FAM184A: variants seen among roughly 807,000 people sequenced by gnomAD.
The protein encoded by FAM184A is protein FAM184A.
In FAM184A, 99 loss-of-function variants were observed where a neutral mutation model predicts 143.8. That is an observed-to-expected ratio of 0.69 (90% CI 0.58 to 0.81). FAM184A has a LOEUF of 0.81. Among genes scored for constraint, FAM184A ranks in the 40% least tolerant of loss-of-function variants. The pLI is 0.00. For missense variants in FAM184A, 1,217 were observed against 1,310.5 expected (o/e 0.93, Z 1.10); for synonymous variants, 427 against 446.4 (o/e 0.96, Z 0.55).
chr6:119,099,812 T>C (rs760521302), intron 1 of FAM184A, among the ~76,000 whole-genome samples: 3 of 152,170 alleles, frequency 2.0e-5, no homozygotes, highest in Non-Finnish European at 2.9e-5. Flanking sequence ...TACCTCACCC[T>C]ATGCATCTCT....
intron 1 of FAM184A, among the ~76,000 whole-genome samples, chr6:119,036,929 T>C (rs1236757497): frequency 6.6e-6 from 1 of 152,128 alleles, no homozygotes; most frequent in Admixed American, 6.5e-5. Context: ...TAGAAAGGCA[T>C]AAAAGGGCAA....
At chr6:119,025,407 T>A in intron 1 of FAM184A, 3 of 516,364 alleles carry the variant, frequency 5.8e-6, no homozygotes, top group Non-Finnish European at 7.7e-6. Context: ...TTTCTAGTGA[T>A]CTCTTTATAA....
chr6:119,109,673 A>G (rs988959956), intron 1 of FAM184A, among the ~76,000 whole-genome samples: 1 of 152,212 alleles, frequency 6.6e-6, no homozygotes. Flanking sequence ...TGAAGCTGTT[A>G]ATGAACAGAG....
intron 1 of FAM184A, among the ~76,000 whole-genome samples, chr6:119,037,547 TGAATG>T: frequency 6.6e-6 from 1 of 152,298 alleles, no homozygotes; most frequent in East Asian, 1.9e-4. Context: ...TCAATATTCT[TGAATG>T]AGATGGCAAC....
At chr6:119,106,786 T>C (rs555371361) in intron 1 of FAM184A, among the ~76,000 whole-genome samples, 1 of 152,330 alleles carries the variant, frequency 6.6e-6, no homozygotes, top group South Asian at 2.1e-4. Context: ...TAATAAGGCA[T>C]GAAAACTGTT....
At chr6:119,067,659 T>C (rs1408950295) in intron 1 of FAM184A, among the ~76,000 whole-genome samples, 1 of 152,214 alleles carries the variant, frequency 6.6e-6, no homozygotes, top group Non-Finnish European at 1.5e-5. Flanking sequence ...GTGAAAATGT[T>C]GTGACCAGAG....
intron 1 of FAM184A, among the ~76,000 whole-genome samples, chr6:119,040,834 A>G (rs1027017652): frequency 6.6e-6 from 1 of 152,170 alleles, no homozygotes; most frequent in Non-Finnish European, 1.5e-5. Context: ...TTTTTAAGTT[A>G]GCACCACTTT....
chr6:118,969,192 G>C (rs1259037140), intron 14 of FAM184A, among the ~76,000 whole-genome samples: 1 of 152,112 alleles, frequency 6.6e-6, no homozygotes, highest in Non-Finnish European at 1.5e-5. Context: ...CGCCATGATT[G>C]TAAGTTTCCT....
At chr6:119,050,105 T>A (rs1159158488) in intron 1 of FAM184A, among the ~76,000 whole-genome samples, 1 of 152,022 alleles carries the variant, frequency 6.6e-6, no homozygotes. Flanking sequence ...ATGAGAGAAA[T>A]GCAAGTCAAA....
chr6:119,081,196 G>C (rs1788052211), upstream of FAM184A, among the ~76,000 whole-genome samples: 1 of 152,194 alleles, frequency 6.6e-6, no homozygotes, highest in Non-Finnish European at 1.5e-5. Context: ...GTGAGAAAGA[G>C]AGAAAGAGAG....
intron 5 of FAM184A, among the ~76,000 whole-genome samples, chr6:119,012,956 T>C (rs1197438819): frequency 6.6e-6 from 1 of 152,086 alleles, no homozygotes; most frequent in African/African-American, 2.4e-5. Flanking sequence ...AATAAGACAA[T>C]AGAAGTCGTC....
At chr6:119,039,063 TAAC>T (rs1402155914) in intron 1 of FAM184A, among the ~76,000 whole-genome samples, 3 of 152,326 alleles carry the variant, frequency 2.0e-5, no homozygotes, top group South Asian at 4.1e-4. Context: ...AAAATATGCT[TAAC>T]ATCAATAATG....
At chr6:119,112,640 C>T (rs965490523) in intron 1 of FAM184A, among the ~76,000 whole-genome samples, 5 of 152,162 alleles carry the variant, frequency 3.3e-5, no homozygotes, top group Non-Finnish European at 7.3e-5. Flanking sequence ...TGGCTATTAC[C>T]TGTTATACCC....
chr6:119,022,687 C>T (rs1785489154), intron 3 of FAM184A, among the ~76,000 whole-genome samples: 1 of 152,012 alleles, frequency 6.6e-6, no homozygotes, highest in Admixed American at 6.6e-5. Context: ...CCAGCCTGGG[C>T]AACACGGTGA....
Position 119,013,107 on chromosome 6 carries a change from T to TA in FAM184A, c.1531-1677dup, listed in dbSNP as rs11324138. On this transcript the variant is annotated intron_variant, in intron 5 of 17. Transcript: ENST00000338891. ...GCAAGTGATACACAAGTTACTCTGA[T>TA]AAAAAAAAAAAGAAGGGTAGAAATA... 7.2e-4 allele frequency among the ~76,000 whole-genome samples: 109 copies of TA among 150,586 alleles called. 1 individual carries two copies. The highest frequency in any genetic ancestry group is 1.3e-3 in the Non-Finnish European group (85 of 67,644).
intron 7 of FAM184A, 99 bp downstream of exon 7, chr6:119,006,348 A>C: frequency 9.0e-7 from 1 of 1,116,340 alleles, no homozygotes; most frequent in Non-Finnish European, 1.3e-6. Flanking sequence ...CTAATATACT[A>C]ATTATATACA....
chr6:119,046,440 G>T (rs1786538026), intron 1 of FAM184A, among the ~76,000 whole-genome samples: 1 of 151,926 alleles, frequency 6.6e-6, no homozygotes, highest in Non-Finnish European at 1.5e-5. Context: ...GGCCAGGCTG[G>T]TCTCAAACTC....
rs186685378 is a variant in FAM184A, at chr6:118,989,119, G to A, written c.2089-8769C>T. Among the ~76,000 whole-genome samples, 1,150 of 151,994 alleles carry A rather than the reference G, an allele frequency of 7.6e-3. 9 individuals are homozygous for A. Among genetic ancestry groups the A allele is most frequent in the Admixed American group, 0.026 (400 of 15,284 alleles). On this transcript the variant is annotated intron_variant, in intron 9 of 17. Transcript: ENST00000338891. ...TGGGACTACAGGCGCCTGCCACTGC[G>A]CCCGGCTAATTTTTTGTATTTTTAG...
At chr6:119,052,935 T>C (rs1458235433) in intron 1 of FAM184A, among the ~76,000 whole-genome samples, 1 of 152,262 alleles carries the variant, frequency 6.6e-6, no homozygotes, top group African/African-American at 2.4e-5. Context: ...GTAGGTAATG[T>C]AGAACCAGTG....
Sources: allele counts gnomAD v4.1 joint callset (sites outside exome capture counted in the v4.1 genomes callset), GRCh38; gene constraint gnomAD v4.1.1; transcripts MANE v1.5; gene names NCBI Gene and HGNC (gene_info 2026-07-23, HGNC 2026-07-21).